Variants in CNBD1 observed in about 807,000 individuals in gnomAD.
CNBD1 encodes the protein cyclic nucleotide-binding domain-containing protein 1.
A neutral mutation model predicts 54.4 loss-of-function variants in CNBD1; 71 were observed. That is an observed-to-expected ratio of 1.30 (90% CI 1.08 to 1.59). CNBD1 has a LOEUF of 1.59. CNBD1 is among the 40% of genes most tolerant of loss of function. The probability of loss-of-function intolerance (pLI) is 0.00; values close to 1 mark genes in which losing one functional copy is unlikely to be tolerated. For missense variants in CNBD1, 659 were observed against 518.0 expected (o/e 1.27, Z -2.64); for synonymous variants, 182 against 170.7 (o/e 1.07, Z -0.51).
chr8:87,296,603 T>G (rs1808880201), intron 8 of CNBD1, among the ~76,000 whole-genome samples: 2 of 109,206 alleles, frequency 1.8e-5, no homozygotes, highest in Non-Finnish European at 4.1e-5. Context: ...CTATATAATT[T>G]GGTATATATA....
intron 4 of CNBD1, among the ~76,000 whole-genome samples, chr8:86,975,299 T>C (rs1244662719): frequency 2.0e-5 from 3 of 152,004 alleles, no homozygotes; most frequent in Non-Finnish European, 4.4e-5. Context: ...TACATTATTA[T>C]TAACTGTGCA....
At chr8:87,196,663 T>C (rs1813728726) in intron 4 of CNBD1, among the ~76,000 whole-genome samples, 1 of 152,140 alleles carries the variant, frequency 6.6e-6, no homozygotes, top group African/African-American at 2.4e-5. Context: ...CTATACATGA[T>C]AATTACAGCT....
chr8:87,190,783 C>T (rs114888895), intron 4 of CNBD1, among the ~76,000 whole-genome samples: 2,411 of 149,528 alleles, frequency 0.016, 76 homozygotes, highest in African/African-American at 0.057. Context: ...TTTCCTTTGC[C>T]TGCTGTGTTA....
rs1460082568 is a variant in CNBD1, at chr8:86,888,544, TAAAATGGAGATAACAGTACTCACTTTA to T, written c.158+936_158+962del. On this transcript the variant is annotated intron_variant, in intron 2 of 10. Transcript: ENST00000518476. Reference sequence around the variant, plus strand: ...TTCTCTGCCTTGGTTTTTTCATTGGTAAAATGGAGATAACAGTACTCACTTTAAAGGGTTACTAGGATGATTAAATGA... The same window carrying T: ...TTCTCTGCCTTGGTTTTTTCATTGGTAAGGGTTACTAGGATGATTAAATGA... 5.9e-5 allele frequency among the ~76,000 whole-genome samples: 9 copies of T among 152,270 alleles called. No individual in the cohort carries two copies. The South Asian group carries it at 6.2e-4, about 11-fold the overall frequency.
intron 4 of CNBD1, among the ~76,000 whole-genome samples, chr8:87,096,785 C>T (rs553276673): frequency 2.0e-5 from 3 of 151,540 alleles, no homozygotes; most frequent in African/African-American, 7.2e-5. Context: ...CTGCTTCTGA[C>T]TCTGCTCATT....
intron 4 of CNBD1, among the ~76,000 whole-genome samples, chr8:87,144,896 G>A (rs1036341017): frequency 6.6e-6 from 1 of 151,150 alleles, no homozygotes; most frequent in Non-Finnish European, 1.5e-5. Context: ...ATGGATGATA[G>A]AGTTTTGGGA....
At chr8:87,091,460 A>G (rs1031750022) in intron 4 of CNBD1, among the ~76,000 whole-genome samples, 2 of 152,180 alleles carry the variant, frequency 1.3e-5, no homozygotes, top group South Asian at 4.1e-4. Flanking sequence ...ACTCCAGAAT[A>G]TATGCTAAAC....
chr8:86,881,366 C>T lies in CNBD1; in HGVS notation c.89-6176C>T, dbSNP rs532154070. On this transcript the variant is annotated intron_variant, in intron 1 of 10. Transcript: ENST00000518476. Reference sequence around the variant, plus strand: ...TGCAAAAATTGCTAGCATTCCTATACGCCAACAACAGGCAAGCAGAGAGCC... The same window carrying T: ...TGCAAAAATTGCTAGCATTCCTATATGCCAACAACAGGCAAGCAGAGAGCC... Among the ~76,000 whole-genome samples, 15 of 152,204 alleles carry T rather than the reference C, an allele frequency of 9.9e-5. No individual in the cohort carries two copies. The South Asian group carries it at 1.7e-3, about 17-fold the overall frequency.
chr8:87,399,155 G>C (rs1265415523), intron 2 of CNBD1, among the ~76,000 whole-genome samples: 1 of 151,990 alleles, frequency 6.6e-6, no homozygotes, highest in Non-Finnish European at 1.5e-5. Context: ...AGTTTAACCT[G>C]AGATGATTCA....
chr8:87,174,769 C>T (rs1813163108), intron 4 of CNBD1, among the ~76,000 whole-genome samples: 1 of 152,108 alleles, frequency 6.6e-6, no homozygotes, highest in Admixed American at 6.6e-5. Flanking sequence ...GTGATCTAAG[C>T]CATGCCTTCA....
At chr8:87,300,890 T>C (rs1260259105) in intron 8 of CNBD1, among the ~76,000 whole-genome samples, 1 of 151,938 alleles carries the variant, frequency 6.6e-6, no homozygotes, top group Non-Finnish European at 1.5e-5. Flanking sequence ...TTTTGTACAA[T>C]ACAAAAGATG....
chr8:87,349,141 T>C (rs1810231672), intron 8 of CNBD1, among the ~76,000 whole-genome samples: 1 of 152,166 alleles, frequency 6.6e-6, no homozygotes, highest in African/African-American at 2.4e-5. Flanking sequence ...CATTTAAAAA[T>C]GTGTTACAAT....
chr8:87,231,502 G>T (rs996747251), intron 5 of CNBD1, among the ~76,000 whole-genome samples: 1 of 152,134 alleles, frequency 6.6e-6, no homozygotes, highest in South Asian at 2.1e-4. Context: ...AGTTTCCTCA[G>T]TTGTAAAGTT....
At chr8:87,284,881 C>T (rs1372103305) in intron 7 of CNBD1, 66 bp downstream of exon 7, 3 of 1,148,582 alleles carry the variant, frequency 2.6e-6, no homozygotes, top group African/African-American at 3.2e-5. Flanking sequence ...CATTTTGATT[C>T]TCTAGACAAA....
intron 4 of CNBD1, among the ~76,000 whole-genome samples, chr8:86,997,364 A>AG (rs1209218713): frequency 1.3e-5 from 2 of 152,182 alleles, no homozygotes; most frequent in Non-Finnish European, 2.9e-5. Flanking sequence ...TCAGTCCTCT[A>AG]GGGTGTACAC....
At chr8:86,933,049 C>T (rs765553119) in intron 3 of CNBD1, among the ~76,000 whole-genome samples, 3 of 152,022 alleles carry the variant, frequency 2.0e-5, no homozygotes, top group African/African-American at 4.8e-5. Flanking sequence ...GGAGAAAGGT[C>T]GGAGTGGAGG....
chr8:87,050,237 A>G (rs1176269473), intron 4 of CNBD1, among the ~76,000 whole-genome samples: 1 of 152,184 alleles, frequency 6.6e-6, no homozygotes, highest in East Asian at 1.9e-4. Context: ...GGATTTGGGA[A>G]AGGGGAAAGG....
At chr8:87,228,094 G>C (rs1396083073) in intron 5 of CNBD1, among the ~76,000 whole-genome samples, 1 of 151,376 alleles carries the variant, frequency 6.6e-6, no homozygotes, top group African/African-American at 2.4e-5. Flanking sequence ...AGCTCCATCA[G>C]CTCCTTTAAG....
At chr8:87,350,072 A>G (rs907263261) in intron 8 of CNBD1, among the ~76,000 whole-genome samples, 2 of 152,196 alleles carry the variant, frequency 1.3e-5, no homozygotes, top group Admixed American at 1.3e-4. Context: ...AGGAGCTTCT[A>G]TGCCTTTCTT....
Sources: gnomAD v4.1 joint callset for allele counts (sites outside exome capture counted in the v4.1 genomes callset) on GRCh38, gnomAD v4.1.1 for gene constraint, MANE v1.5 for transcripts, NCBI Gene and HGNC (gene_info 2026-07-23, HGNC 2026-07-21) for gene names.